The following COG5 variants were observed in gnomAD, a reference collection of about 807,000 sequenced individuals.
COG5 encodes the protein conserved oligomeric Golgi complex subunit 5.
COG5 carries 86 observed loss-of-function variants against 110.4 expected under a neutral mutation model. The ratio of observed to expected loss-of-function variants is 0.78; its 90% CI spans 0.65 to 0.93. The LOEUF (loss-of-function observed/expected upper bound fraction) is 0.93, where lower values mean the gene tolerates loss of function less well. COG5 is among the 40% of genes least tolerant of loss of function. The pLI is 0.00. For synonymous variants in COG5, 360 were observed against 334.6 expected, an observed-to-expected ratio of 1.08 and a Z score of -0.83; for missense variants, 1,077 against 987.0, an observed-to-expected ratio of 1.09 and a Z score of -1.22.
intron 21 of COG5, among the ~76,000 whole-genome samples, chr7:107,204,975 C>A (rs959451499): frequency 6.6e-6 from 1 of 152,212 alleles, no homozygotes; most frequent in Non-Finnish European, 1.5e-5. Flanking sequence ...TACACCGAAA[C>A]AATTACCAAA....
chr7:107,557,878 T>C, intron 2 of COG5, 98 bp downstream of exon 2: 1 of 1,443,768 alleles, frequency 6.9e-7, no homozygotes, highest in Non-Finnish European at 9.7e-7. Flanking sequence ...TATGTACTTC[T>C]TCATGTAAAT....
intron 6 of COG5, among the ~76,000 whole-genome samples, chr7:107,424,660 G>T (rs1793525761): frequency 6.6e-6 from 1 of 152,054 alleles, no homozygotes; most frequent in South Asian, 2.1e-4. Flanking sequence ...GCCATTAAAT[G>T]CCTATATGCT....
chr7:107,457,208 A>T lies in COG5; in HGVS notation c.539-44576T>A, dbSNP rs533134089. ...AAATTGTAACTATAGAAATTAATCA[A>T]ATAAAACTTTCCAGGCTGAAAAACA... is the stretch of plus-strand genomic sequence containing the variant. On this transcript the variant is annotated intron_variant, in intron 6 of 21. Coordinates refer to ENST00000297135, the MANE Select transcript of COG5 (RefSeq NM_006348.5). Among the ~76,000 whole-genome samples the T allele has an allele frequency of 6.4e-5, 6 of 94,188 alleles. No homozygotes were observed. In the East Asian group the frequency reaches 1.7e-3, roughly 27 times the overall value. 61.8% of individuals were successfully genotyped at this position (94,188 alleles called of 152,430 possible).
chr7:107,273,838 TA>T (rs201439343), intron 14 of COG5, among the ~76,000 whole-genome samples: 2,825 of 151,786 alleles, frequency 0.019, 87 homozygotes, highest in African/African-American at 0.063. Context: ...ATGAGAAAGA[TA>T]AAAAAATAGA....
At chr7:107,305,751 T>TTTC (rs1178274632) in intron 11 of COG5, among the ~76,000 whole-genome samples, 2 of 151,936 alleles carry the variant, frequency 1.3e-5, no homozygotes, top group African/African-American at 4.8e-5. Flanking sequence ...TGCTGTTAGC[T>TTTC]GGAAGCTGAC....
chr7:107,437,345 T>C (rs948418197), intron 6 of COG5, among the ~76,000 whole-genome samples: 2 of 152,186 alleles, frequency 1.3e-5, no homozygotes, highest in African/African-American at 4.8e-5. Flanking sequence ...GTAGATAGCA[T>C]AGCCCTTTGG....
intron 6 of COG5, among the ~76,000 whole-genome samples, chr7:107,478,904 C>A (rs1797148244): frequency 6.6e-6 from 1 of 152,006 alleles, no homozygotes; most frequent in South Asian, 2.1e-4. Flanking sequence ...GGCTACCTCC[C>A]AAAGTCAATA....
At chr7:107,454,559 T>A (rs946960990) in intron 6 of COG5, among the ~76,000 whole-genome samples, 1 of 152,180 alleles carries the variant, frequency 6.6e-6, no homozygotes, top group African/African-American at 2.4e-5. Context: ...TGTTTCTTAG[T>A]ATAAGGATGA....
chr7:107,414,547 T>G (rs1792555788), intron 6 of COG5, among the ~76,000 whole-genome samples: 2 of 152,006 alleles, frequency 1.3e-5, no homozygotes, highest in Admixed American at 1.3e-4. Context: ...AATATTCTAG[T>G]CAATAGTACA....
intron 7 of COG5, among the ~76,000 whole-genome samples, chr7:107,386,457 G>T (rs890068779): frequency 6.6e-6 from 1 of 152,126 alleles, no homozygotes. Flanking sequence ...TGTGAGGAAC[G>T]CTGCGGAGGA....
intron 5 of COG5, among the ~76,000 whole-genome samples, chr7:107,547,792 CA>C (rs71737445): frequency 0.15 from 20,679 of 141,160 alleles, 3,720 homozygotes; most frequent in African/African-American, 0.43. Flanking sequence ...ACAATAGCTA[CA>C]AAAAAAAAAA....
intron 6 of COG5, among the ~76,000 whole-genome samples, chr7:107,446,445 A>G (rs1795010635): frequency 6.6e-6 from 1 of 152,174 alleles, no homozygotes; most frequent in Non-Finnish European, 1.5e-5. Context: ...AGCCTTCAAC[A>G]TGATCCCCCA....
At chr7:107,365,339 T>C (rs762953888) in intron 8 of COG5, among the ~76,000 whole-genome samples, 8 of 151,804 alleles carry the variant, frequency 5.3e-5, no homozygotes, top group Admixed American at 2.6e-4. Flanking sequence ...AAACAAAAGA[T>C]AGAAAATGTC....
At chr7:107,338,593 T>C (rs1810910115) in intron 10 of COG5, among the ~76,000 whole-genome samples, 1 of 152,100 alleles carries the variant, frequency 6.6e-6, no homozygotes, top group Non-Finnish European at 1.5e-5. Context: ...CAATTACTTA[T>C]ATATGATACC....
chr7:107,281,818 T>C (rs1015209241), intron 13 of COG5, among the ~76,000 whole-genome samples: 4 of 152,172 alleles, frequency 2.6e-5, no homozygotes, highest in Non-Finnish European at 5.9e-5. Flanking sequence ...TTACACATGA[T>C]ATATAAAGAT....
intron 17 of COG5, among the ~76,000 whole-genome samples, chr7:107,246,662 C>T (rs1053839432): frequency 4.6e-5 from 7 of 152,012 alleles, no homozygotes; most frequent in South Asian, 2.1e-4. Context: ...AAATCAAAAC[C>T]GCAATGAGAT....
At chr7:107,452,831 T>C (rs544726558) in intron 6 of COG5, among the ~76,000 whole-genome samples, 1 of 152,232 alleles carries the variant, frequency 6.6e-6, no homozygotes, top group East Asian at 1.9e-4. Flanking sequence ...CTTTGTATGA[T>C]ACACTTTCAC....
intron 3 of COG5, among the ~76,000 whole-genome samples, chr7:107,549,517 G>A (rs926337787): frequency 8.6e-5 from 13 of 151,094 alleles, no homozygotes; most frequent in African/African-American, 2.7e-4. Flanking sequence ...TCAGCCTCCC[G>A]AGTGGCTGGG....
In COG5 at chr7:107,202,127, G is replaced by A. The variant is rs887789551; in HGVS notation, c.*1389C>T. On this transcript the variant is annotated 3_prime_UTR_variant, in exon 22 of 22. Coordinates refer to ENST00000297135, the MANE Select transcript of COG5 (RefSeq NM_006348.5). ...AGGTAAAGTTAGTTAATAGCATTGG[G>A]ATATAGTCACTGTAATGGTGCTATT... 6.6e-6 allele frequency: 1 copy of A among 152,660 alleles called. No homozygotes were observed. Among genetic ancestry groups the A allele is most frequent in the Admixed American group, 6.5e-5 (1 of 15,286 alleles). The allele number at this position is 152,660 out of a possible 1,614,324, so 9.5% of individuals were successfully genotyped here.
Sources: allele counts gnomAD v4.1 joint callset (sites outside exome capture counted in the v4.1 genomes callset), GRCh38; gene constraint gnomAD v4.1.1; transcripts MANE v1.5; gene names NCBI Gene and HGNC (gene_info 2026-07-23, HGNC 2026-07-21).